APBA1: variants seen among roughly 807,000 people sequenced by gnomAD.
APBA1 encodes amyloid-beta A4 precursor protein-binding family A member 1.
In APBA1, 55 loss-of-function variants were observed where a neutral mutation model predicts 86.6. The observed-to-expected ratio is 0.64, with a 90% confidence interval of 0.51 to 0.80. APBA1 has a LOEUF of 0.80. APBA1 is among the 30% of genes least tolerant of loss of function. APBA1 has a pLI of 0.00. For missense variants in APBA1, 1,090 were observed against 1,183.0 expected (o/e 0.92, Z 1.15); for synonymous variants, 511 against 493.9 (o/e 1.03, Z -0.46).
At position 69,502,201 on chromosome 9, in the gene APBA1, G is replaced by A. The variant is rs1286368120; in HGVS notation, c.1200+13810C>T. 6.6e-5 allele frequency among the ~76,000 whole-genome samples: 10 copies of A among 152,114 alleles called. No individual in the cohort carries two copies. In the South Asian group the frequency reaches 1.0e-3, roughly 16 times the overall value. On this transcript the variant is annotated intron_variant, in intron 2 of 12. Coordinates refer to ENST00000265381, the MANE Select transcript of APBA1 (RefSeq NM_001163.4). ...ACAGAACACACAGTAACTGGAAAAC[G>A]TGCCTTCTGGTGTGCAGATCACCAG...
chr9:69,656,551 C>T (rs924939443), intron 1 of APBA1, among the ~76,000 whole-genome samples: 1 of 152,176 alleles, frequency 6.6e-6, no homozygotes, highest in African/African-American at 2.4e-5. Context: ...GTAGTGGTTA[C>T]CTTTCTGAAA....
In APBA1 at chr9:69,471,097, G is replaced by A. The variant is rs575281345; in HGVS notation, c.1336+559C>T. ...TGCCTCAGTTGTCTCATTATAACAT[G>A]GGGATAATAATAAAACTCACTTCAC... On this transcript the variant is annotated intron_variant, in intron 4 of 12. Transcript: ENST00000265381. Among the ~76,000 whole-genome samples the A allele has an allele frequency of 2.6e-5, 4 of 152,160 alleles. No homozygotes were observed. The South Asian group carries it at 6.2e-4, about 24-fold the overall frequency.
intron 2 of APBA1, among the ~76,000 whole-genome samples, chr9:69,498,101 A>AT (rs1216743139): frequency 6.6e-6 from 1 of 152,062 alleles, no homozygotes; most frequent in Non-Finnish European, 1.5e-5. Flanking sequence ...GACTTACTCT[A>AT]AGCAATAAAA....
intron 1 of APBA1, among the ~76,000 whole-genome samples, chr9:69,664,967 T>A (rs1823818265): frequency 6.6e-6 from 1 of 152,166 alleles, no homozygotes; most frequent in African/African-American, 2.4e-5. Flanking sequence ...TAAACAGGGG[T>A]CCCATGTCCA....
chr9:69,530,159 C>T (rs1245498973), intron 1 of APBA1, among the ~76,000 whole-genome samples: 3 of 151,922 alleles, frequency 2.0e-5, no homozygotes, highest in African/African-American at 4.8e-5. Flanking sequence ...TATTGGAAAT[C>T]TACTCAAAGA....
chr9:69,558,801 G>T (rs2133936134), intron 1 of APBA1, among the ~76,000 whole-genome samples: 1 of 151,966 alleles, frequency 6.6e-6, no homozygotes, highest in Non-Finnish European at 1.5e-5. Flanking sequence ...TCATCATTTA[G>T]CTCCCAATTA....
chr9:69,511,009 T>C (rs1460252522), intron 2 of APBA1, among the ~76,000 whole-genome samples: 1 of 150,952 alleles, frequency 6.6e-6, no homozygotes, highest in Admixed American at 6.6e-5. Context: ...GACATAGGCA[T>C]GGGCAAGGAC....
chr9:69,489,791 G>C (rs1321147318), intron 2 of APBA1, among the ~76,000 whole-genome samples: 4 of 152,082 alleles, frequency 2.6e-5, no homozygotes, highest in Non-Finnish European at 5.9e-5. Context: ...TCTCACACCA[G>C]TTAGAATGGC....
At chr9:69,631,353 G>C (rs1032299779) in intron 1 of APBA1, among the ~76,000 whole-genome samples, 3 of 152,166 alleles carry the variant, frequency 2.0e-5, no homozygotes, top group Non-Finnish European at 2.9e-5. Flanking sequence ...AAACCACAAT[G>C]AGATACCATC....
intron 1 of APBA1, among the ~76,000 whole-genome samples, chr9:69,646,946 G>A (rs1224409118): frequency 6.6e-6 from 1 of 152,144 alleles, no homozygotes; most frequent in African/African-American, 2.4e-5. Context: ...GGGGAACGCA[G>A]GCTGCTGAAT....
chr9:69,448,092 C>T (rs1403133402), intron 10 of APBA1, among the ~76,000 whole-genome samples: 2 of 152,160 alleles, frequency 1.3e-5, no homozygotes, highest in African/African-American at 4.8e-5. Context: ...CCATCTCTCC[C>T]TGACTCAACA....
chr9:69,447,859 T>G lies in APBA1; in HGVS notation c.2181+1725A>C, dbSNP rs184709053. On this transcript the variant is annotated intron_variant, in intron 10 of 12. Coordinates refer to ENST00000265381, the MANE Select transcript of APBA1 (RefSeq NM_001163.4). ...GAGCCATAAGTCCTTTCACTTCTCCTCAAACCGACCAAGCTCCCTGGGGGG... is the reference window on the plus strand; with the variant it reads ...GAGCCATAAGTCCTTTCACTTCTCCGCAAACCGACCAAGCTCCCTGGGGGG... Among the ~76,000 whole-genome samples, 171 of 152,070 alleles carry G rather than the reference T, an allele frequency of 1.1e-3. 3 individuals carry two copies. The East Asian group carries it at 0.031, about 28-fold the overall frequency.
At chr9:69,434,932 C>T (rs1834676305) in intron 11 of APBA1, among the ~76,000 whole-genome samples, 1 of 140,602 alleles carries the variant, frequency 7.1e-6, no homozygotes, top group Non-Finnish European at 1.5e-5. Context: ...TCTCCTAATG[C>T]TATCCCTCCC....
At chr9:69,576,176 T>A (rs899338144) in intron 1 of APBA1, among the ~76,000 whole-genome samples, 1 of 152,164 alleles carries the variant, frequency 6.6e-6, no homozygotes, top group Admixed American at 6.5e-5. Flanking sequence ...TCACACCAGT[T>A]AGAATGGTGA....
At chr9:69,539,507 A>T (rs1477992992) in intron 1 of APBA1, among the ~76,000 whole-genome samples, 1 of 152,140 alleles carries the variant, frequency 6.6e-6, no homozygotes, top group Admixed American at 6.5e-5. Flanking sequence ...TATTCCTTCC[A>T]TTGCAACCAC....
chr9:69,460,412 CCA>C (rs1416357375), intron 5 of APBA1, among the ~76,000 whole-genome samples: 1 of 152,178 alleles, frequency 6.6e-6, no homozygotes, highest in African/African-American at 2.4e-5. Flanking sequence ...GTGTGGAACC[CCA>C]GAGTCTGGCC....
At chr9:69,601,328 AT>A (rs1227711233) in intron 1 of APBA1, among the ~76,000 whole-genome samples, 7 of 152,356 alleles carry the variant, frequency 4.6e-5, no homozygotes, top group Admixed American at 4.6e-4. Flanking sequence ...TTTCAAACTA[AT>A]TTCATATCTA....
chr9:69,595,967 G>A (rs937088398), intron 1 of APBA1, among the ~76,000 whole-genome samples: 1 of 152,098 alleles, frequency 6.6e-6, no homozygotes, highest in Non-Finnish European at 1.5e-5. Flanking sequence ...TTTATTGATT[G>A]ATTGTTTTGT....
chr9:69,637,881 A>T (rs1255943919), intron 1 of APBA1, among the ~76,000 whole-genome samples: 1 of 152,262 alleles, frequency 6.6e-6, no homozygotes, highest in Admixed American at 6.5e-5. Context: ...ACATAGAAAA[A>T]AGGAAGGCAG....
Sources: gnomAD v4.1 joint callset for allele counts (sites outside exome capture counted in the v4.1 genomes callset) on GRCh38, gnomAD v4.1.1 for gene constraint, MANE v1.5 for transcripts, NCBI Gene and HGNC (gene_info 2026-07-23, HGNC 2026-07-21) for gene names.